The following CFAP92 variants were observed in gnomAD, a reference collection of about 807,000 sequenced individuals.
CFAP92 encodes the protein uncharacterized protein CFAP92.
CFAP92 carries 86 observed loss-of-function variants against 106.3 expected under a neutral mutation model. That is an observed-to-expected ratio of 0.81 (90% CI 0.68 to 0.97). The LOEUF (loss-of-function observed/expected upper bound fraction) is 0.97. Ranked by LOEUF, CFAP92 falls within the 50% of genes least tolerant of loss-of-function variation. CFAP92 has a pLI of 0.00. For synonymous variants in CFAP92, 477 were observed against 506.4 expected (o/e 0.94, Z 0.78); for missense variants, 1,204 against 1,283.8 (o/e 0.94, Z 0.95).
At chr3:128,953,133 TAAAA>T (rs1383713198) in intron 9 of CFAP92, among the ~76,000 whole-genome samples, 1 of 151,546 alleles carries the variant, frequency 6.6e-6, no homozygotes, top group Non-Finnish European at 1.5e-5. Context: ...ATAACTGCAA[TAAAA>T]AAACTCAATA....
chr3:128,993,813 T>A, intron 1 of CFAP92, 167 bp downstream of exon 1: 1 of 417,232 alleles, frequency 2.4e-6, no homozygotes, highest in Non-Finnish European at 3.4e-6. Flanking sequence ...AGAACATGAA[T>A]GTGCACTGGG....
chr3:128,987,927 A>C, intron 3 of CFAP92, 98 bp from the exon 4 acceptor site: 1 of 1,006,874 alleles, frequency 9.9e-7, no homozygotes, highest in East Asian at 2.6e-5. Context: ...CCTCAGCAGC[A>C]GCGCTGCCTG....
At chr3:128,965,239 A>T (rs1942282309) in intron 9 of CFAP92, among the ~76,000 whole-genome samples, 1 of 152,060 alleles carries the variant, frequency 6.6e-6, no homozygotes, top group African/African-American at 2.4e-5. Flanking sequence ...CTTTGACTGT[A>T]ATTTTCCATT....
At chr3:128,971,138 A>G (rs921841752) in intron 8 of CFAP92, 149 bp downstream of exon 8, 1 of 1,274,206 alleles carries the variant, frequency 7.8e-7, no homozygotes, top group African/African-American at 1.5e-5. Flanking sequence ...CCCCTGTACT[A>G]TGAAGCCAAT....
chr3:129,000,145 T>C (rs1306760450), intron 1 of CFAP92, among the ~76,000 whole-genome samples: 2 of 152,214 alleles, frequency 1.3e-5, no homozygotes, highest in Non-Finnish European at 2.9e-5. Flanking sequence ...TAAACAATGA[T>C]GCAGTGAACA....
intron 12 of CFAP92, among the ~76,000 whole-genome samples, chr3:128,926,919 C>T (rs1442623667): frequency 3.3e-5 from 5 of 151,982 alleles, no homozygotes; most frequent in Non-Finnish European, 5.9e-5. Flanking sequence ...CATGGTGAAA[C>T]CCTGTCTCTA....
intron 10 of CFAP92, among the ~76,000 whole-genome samples, chr3:128,937,005 A>G (rs1458132782): frequency 1.3e-5 from 2 of 151,808 alleles, no homozygotes; most frequent in Admixed American, 6.6e-5. Flanking sequence ...GTTCTTCTAT[A>G]TTTTCATCTA....
Position 128,910,131 on chromosome 3 carries a change from C to G in CFAP92, c.*168G>C. On this transcript the variant is annotated 3_prime_UTR_variant, in exon 16 of 16. Coordinates refer to ENST00000645291, the MANE Select transcript of CFAP92 (RefSeq NM_001394090.1). ...CCAGCCGCTCCATCCGCATTGGGCT[C>G]CGCAACCACGACCACGAGGTGAGCC... The G allele has an allele frequency of 6.2e-7, 1 of 1,614,072 alleles. No individual in the cohort carries two copies.
At chr3:128,991,097 TA>T (rs1944183940) in intron 2 of CFAP92, among the ~76,000 whole-genome samples, 1 of 152,184 alleles carries the variant, frequency 6.6e-6, no homozygotes, top group Non-Finnish European at 1.5e-5. Flanking sequence ...ATCCATTTTA[TA>T]AATGCCTTTA....
chr3:128,941,741 T>C (rs1014149977), intron 10 of CFAP92, among the ~76,000 whole-genome samples: 2 of 152,188 alleles, frequency 1.3e-5, no homozygotes, highest in African/African-American at 4.8e-5. Context: ...CCTCCCAAAG[T>C]GTTGGGATTA....
intron 9 of CFAP92, among the ~76,000 whole-genome samples, chr3:128,963,748 T>G (rs1218114561): frequency 6.7e-6 from 1 of 149,876 alleles, no homozygotes; most frequent in Non-Finnish European, 1.5e-5. Context: ...CTAGCCCGCC[T>G]CTCAGAACCT....
At chr3:128,925,784 TAAAA>T (rs1937603769) in intron 12 of CFAP92, among the ~76,000 whole-genome samples, 1 of 150,652 alleles carries the variant, frequency 6.6e-6, no homozygotes, top group Non-Finnish European at 1.5e-5. Context: ...CCAAAGAAAA[TAAAA>T]ACAAAAAATT....
At chr3:128,995,535 C>T (rs749839526), upstream of CFAP92, among the ~76,000 whole-genome samples, 1 of 152,170 alleles carries the variant, frequency 6.6e-6, no homozygotes, top group African/African-American at 2.4e-5. Context: ...CAAAAGGGCC[C>T]TTTAACAAGG....
intron 12 of CFAP92, among the ~76,000 whole-genome samples, chr3:128,928,857 C>G (rs547669841): frequency 5.3e-5 from 8 of 151,914 alleles, no homozygotes; most frequent in Non-Finnish European, 7.4e-5. Flanking sequence ...AAAGAAAAGC[C>G]ACAAATATGG....
At position 128,953,750 on chromosome 3, in the gene CFAP92, C is replaced by T. The variant is rs1208148941; in HGVS notation, c.1354-7775G>A. The stretch of plus-strand genomic sequence containing the variant: ...CCTGCCTCAGCCTGCCGAGTGCCTG[C>T]GATTGCAGGCACGCGCCACCACGCC... On this transcript the variant is annotated intron_variant, in intron 9 of 15. Coordinates refer to ENST00000645291, the MANE Select transcript of CFAP92 (RefSeq NM_001394090.1). 1.1e-4 allele frequency among the ~76,000 whole-genome samples: 13 copies of T among 122,554 alleles called. 1 individual carries two copies. Among genetic ancestry groups the T allele is most frequent in the South Asian group, 5.8e-4 (2 of 3,478 alleles). The allele number at this position is 122,554 out of a possible 152,430, so 80.4% of individuals were successfully genotyped here. A position where few individuals can be genotyped will look rare whatever the true frequency, so the allele number is the denominator to read the frequency against.
At chr3:129,010,146 C>A in the CFAP92 span, among the ~76,000 whole-genome samples, 1 of 152,252 alleles carries the variant, frequency 6.6e-6, no homozygotes, top group African/African-American at 2.4e-5. The surrounding 1 kb of genome is among the most constrained non-coding windows in gnomAD (Gnocchi z 4.3). Flanking sequence ...ACAAGGAGAC[C>A]CCTAAGTGGT....
intron 12 of CFAP92, among the ~76,000 whole-genome samples, chr3:128,931,527 GTA>G (rs57453990): frequency 0.068 from 7,946 of 117,310 alleles, 226 homozygotes; most frequent in Non-Finnish European, 0.072. Context: ...GTATGTATGT[GTA>G]TATATATATA....
chr3:129,011,566 A>G, the CFAP92 span, among the ~76,000 whole-genome samples: 1 of 151,390 alleles, frequency 6.6e-6, no homozygotes, highest in Non-Finnish European at 1.5e-5. Flanking sequence ...AAAAAAAAAA[A>G]GAATGAAGCA....
chr3:128,971,096 C>T (rs1030840653), intron 8 of CFAP92, 191 bp downstream of exon 8: 3 of 764,632 alleles, frequency 3.9e-6, no homozygotes, highest in Non-Finnish European at 6.2e-6. Flanking sequence ...TGATCTCAGG[C>T]AAGGTAGCTA....
Sources: allele counts gnomAD v4.1 joint callset (sites outside exome capture counted in the v4.1 genomes callset), GRCh38; gene constraint gnomAD v4.1.1; non-coding constraint Gnocchi (gnomAD v3.1); transcripts MANE v1.5; gene names NCBI Gene and HGNC (gene_info 2026-07-23, HGNC 2026-07-21).